Variants in CHD4 observed in about 807,000 individuals in gnomAD.
The protein encoded by CHD4 is chromodomain helicase DNA binding protein 4, also known as ATP-dependent chromatin remodeler CHD4.
CHD4 carries 35 observed loss-of-function variants against 235.5 expected under a neutral mutation model. That is an observed-to-expected ratio of 0.15 (90% CI 0.11 to 0.20). The LOEUF is 0.20. CHD4 is among the 10% of genes least tolerant of loss of function. CHD4 has a pLI of 1.00. For missense variants in CHD4, 1,329 were observed against 2,432.3 expected (o/e 0.55, Z 9.54); for synonymous variants, 900 against 850.2 (o/e 1.06, Z -1.02).
chr12:6,578,932 G>A lies in CHD4; in HGVS notation c.4910-15C>T, dbSNP rs762740101. The A allele has an allele frequency of 1.2e-6, 2 of 1,611,678 alleles. No individual in the cohort carries two copies. The highest frequency in any genetic ancestry group is 1.1e-5 in the South Asian group (1 of 91,004). On this transcript the variant is annotated splice_polypyrimidine_tract_variant and intron_variant, in intron 33 of 39. Coordinates refer to ENST00000544040, the MANE Select transcript of CHD4 (RefSeq NM_001273.5). The stretch of plus-strand genomic sequence containing the variant: ...ATCAGCAGCACCTAGGGGAAGAAAT[G>A]TTATTGAGACTATACCTAAAGGAAG...
At chr12:6,598,742 G>C (rs972280267) in intron 10 of CHD4, among the ~76,000 whole-genome samples, 2 of 152,196 alleles carry the variant, frequency 1.3e-5, no homozygotes, top group Non-Finnish European at 2.9e-5. Flanking sequence ...CTGGGAGGCA[G>C]AGCTTGCAGT....
At chr12:6,577,431 A>C (rs1021634645) in intron 37 of CHD4, among the ~76,000 whole-genome samples, 9 of 151,722 alleles carry the variant, frequency 5.9e-5, no homozygotes, top group Non-Finnish European at 1.3e-4. Flanking sequence ...AAAAAAAAAA[A>C]AAAAAAAACA....
At chr12:6,587,642 A>G in intron 24 of CHD4, 70 bp downstream of exon 24, 5 of 1,604,684 alleles carry the variant, frequency 3.1e-6, no homozygotes, top group Non-Finnish European at 4.3e-6. Context: ...GACCCTTGGT[A>G]TCAAAGATTC....
intron 2 of CHD4, among the ~76,000 whole-genome samples, chr12:6,604,579 C>T (rs1449616288): frequency 6.6e-6 from 1 of 152,060 alleles, no homozygotes; most frequent in Non-Finnish European, 1.5e-5. Context: ...CCCCAACCCC[C>T]ATCAGCTACA....
chr12:6,604,279 T>C (rs977273083), intron 2 of CHD4, among the ~76,000 whole-genome samples: 3 of 151,850 alleles, frequency 2.0e-5, no homozygotes, highest in Non-Finnish European at 4.4e-5. Flanking sequence ...ATCTCAAAAA[T>C]AAAAAAGAAA....
intron 7 of CHD4, 67 bp downstream of exon 7, chr12:6,600,859 T>C: frequency 6.5e-7 from 1 of 1,527,544 alleles, no homozygotes; most frequent in Non-Finnish European, 8.8e-7. Context: ...GGACAGGTTC[T>C]GATAGAAGGT....
chr12:6,582,809 T>C (rs762363905), intron 28 of CHD4, 39 bp downstream of exon 28: 2 of 1,613,980 alleles, frequency 1.2e-6, no homozygotes, highest in South Asian at 1.1e-5. Flanking sequence ...AGATGCAATA[T>C]CTGACACTCA....
chr12:6,596,758 C>A (rs1301283925), intron 12 of CHD4, among the ~76,000 whole-genome samples: 4 of 151,774 alleles, frequency 2.6e-5, no homozygotes, highest in Non-Finnish European at 5.9e-5. Context: ...TGAGATTGCG[C>A]CACTGCACTC....
chr12:6,576,452 C>T (rs1025714863), intron 37 of CHD4, among the ~76,000 whole-genome samples: 1 of 152,280 alleles, frequency 6.6e-6, no homozygotes, highest in Admixed American at 6.5e-5. Flanking sequence ...GTAGCTGGAA[C>T]TACAGGTGCA....
At chr12:6,583,411 GC>G (rs1565606322) in intron 25 of CHD4, 33 bp from the exon 26 acceptor site, 1 of 1,561,830 alleles carries the variant, frequency 6.4e-7, no homozygotes, top group Admixed American at 1.8e-5. Context: ...ACTCAGGAGT[GC>G]TGAAGTCAGC....
chr12:6,596,236 T>G, intron 12 of CHD4, 99 bp from the exon 13 acceptor site: 7 of 1,453,460 alleles, frequency 4.8e-6, no homozygotes, highest in Non-Finnish European at 6.6e-6. Context: ...ACCAGACCTC[T>G]AGGTATGCCA....
Position 6,602,033 on chromosome 12 carries a change from G to C in CHD4, c.365C>G (p.Pro122Arg). ...GGATTTGCTCTTCTTCTCTTTCTTA[G>C]GTCCAAGCTTCTTCTTCTTCTTCTT... is the stretch of plus-strand genomic sequence containing the variant. Reference protein sequence around the residue: ...PGKKKKKKLGPKKEKKSKSKR... With the variant: ...PGKKKKKKLGRKKEKKSKSKR... The change falls in exon 4 of 40, where the codon CCT becomes CGT. Residue 122 changes from proline (P) to arginine (R), a missense_variant. By Grantham distance (103) the Pro-to-Arg change is moderately radical. This residue lies in a region of CHD4 where 213 missense variants were observed against 177.5 expected (regional missense o/e 1.20). Coordinates refer to ENST00000544040, the MANE Select transcript of CHD4 (RefSeq NM_001273.5). 1 of 1,612,452 alleles carries C rather than the reference G, an allele frequency of 6.2e-7. No individual in the cohort carries two copies. The highest frequency in any genetic ancestry group is 8.5e-7 in the Non-Finnish European group (1 of 1,179,872).
chr12:6,570,785 G>A, intron 39 of CHD4, 84 bp downstream of exon 39: 2 of 1,611,804 alleles, frequency 1.2e-6, no homozygotes, highest in South Asian at 1.1e-5. Context: ...CACCCAGTAT[G>A]TAAAGCTAGG....
chr12:6,580,715 A>AAACAAACAAAC (rs1948168626), intron 33 of CHD4: 5 of 226,888 alleles, frequency 2.2e-5, no homozygotes, highest in African/African-American at 8.0e-5. Context: ...AAAAAAAAAA[A>AAACAAACAAAC]AAAAAAAAAA....
chr12:6,603,294 GA>G (rs1477843983), intron 2 of CHD4, among the ~76,000 whole-genome samples: 1 of 152,068 alleles, frequency 6.6e-6, no homozygotes, highest in Non-Finnish European at 1.5e-5. Flanking sequence ...GGTGGGAAGG[GA>G]CACAGAGAAG....
chr12:6,573,300 C>T lies in CHD4; in HGVS notation c.5362-31G>A, dbSNP rs574625930. The T allele has an allele frequency of 1.1e-5, 16 of 1,497,220 alleles. No homozygotes were observed. In the African/African-American group the frequency reaches 1.3e-4, roughly 12 times the overall value. 92.7% of individuals were successfully genotyped at this position (1,497,220 alleles called of 1,614,324 possible). A position where few individuals can be genotyped will look rare whatever the true frequency, so the allele number is the denominator to read the frequency against. ...CAAGGGATAAGAGGAAACGGGAGTT[C>T]GACTGATAACTCACTTTACTCACTT... On this transcript the variant is annotated intron_variant, in intron 37 of 39. Coordinates refer to ENST00000544040, the MANE Select transcript of CHD4 (RefSeq NM_001273.5).
intron 33 of CHD4, chr12:6,580,739 T>C (rs997628399): frequency 4.2e-6 from 1 of 240,658 alleles, no homozygotes. Context: ...CCAGGCACAG[T>C]GGCTCATGCC....
chr12:6,592,559 C>G lies in CHD4; in HGVS notation c.2782G>C (p.Glu928Gln). Residue 928 changes from glutamate (E) to glutamine (Q), a missense_variant, in exon 19 of 40, where the codon GAA becomes CAA. Glu to Gln is a conservative substitution (Grantham distance 29). Coordinates refer to ENST00000544040, the MANE Select transcript of CHD4 (RefSeq NM_001273.5). ...FLTPERFHNL[E>Q]GFLEEFADIA... Reference sequence around the variant, plus strand: ...TCAGCAAACTCCTCCAAAAAACCTTCCAAATTGCTTCAGAAAGAAAAAGGA... The same window carrying G: ...TCAGCAAACTCCTCCAAAAAACCTTGCAAATTGCTTCAGAAAGAAAAAGGA... The G allele has an allele frequency of 6.3e-7, 1 of 1,583,676 alleles. No homozygotes were observed. The highest frequency in any genetic ancestry group is 8.6e-7 in the Non-Finnish European group (1 of 1,161,474).
chr12:6,581,605 G>A, intron 31 of CHD4, 44 bp downstream of exon 31: 1 of 1,613,468 alleles, frequency 6.2e-7, no homozygotes, highest in Non-Finnish European at 8.5e-7. Flanking sequence ...AATAGGCCAG[G>A]ACAAAAAGAG....
Sources: gnomAD v4.1 joint callset for allele counts (sites outside exome capture counted in the v4.1 genomes callset) on GRCh38, gnomAD v4.1.1 for gene constraint, gnomAD v4.1.1 regional missense constraint, MANE v1.5 for transcripts, NCBI Gene and HGNC (gene_info 2026-07-23, HGNC 2026-07-21) for gene names.